Variants in CCZ1B observed in about 807,000 individuals in gnomAD.
CCZ1B encodes the protein vacuolar fusion protein CCZ1 homolog B.
CCZ1B carries 25 observed loss-of-function variants against 58.8 expected under a neutral mutation model. The ratio of observed to expected loss-of-function variants is 0.43; its 90% CI spans 0.31 to 0.59. The LOEUF (loss-of-function observed/expected upper bound fraction) is 0.59, where lower values mean the gene tolerates loss of function less well. CCZ1B is among the 20% of genes least tolerant of loss of function. The pLI is 0.12. For synonymous variants in CCZ1B, 66 were observed against 173.2 expected (o/e 0.38, Z 4.86); for missense variants, 180 against 501.5 (o/e 0.36, Z 6.12).
intron 6 of CCZ1B, among the ~76,000 whole-genome samples, chr7:6,820,882 T>G (rs1195265818): frequency 1.4e-5 from 2 of 142,192 alleles, no homozygotes; most frequent in Non-Finnish European, 3.0e-5. Context: ...ACCATTGCAC[T>G]CTAGCCTGGG....
At chr7:6,808,486 C>T (rs1228048757) in intron 10 of CCZ1B, among the ~76,000 whole-genome samples, 2 of 149,808 alleles carry the variant, frequency 1.3e-5, no homozygotes, top group Non-Finnish European at 2.9e-5. Flanking sequence ...CCATTGGTGG[C>T]TCCTGGGCCC....
Position 6,824,144 on chromosome 7 carries a change from T to C in CCZ1B, c.335A>G (p.Glu112Gly). The change falls in exon 4 of 15, where the codon GAA becomes GGA. Residue 112 changes from glutamate to glycine, a missense_variant. By Grantham distance (98) the Glu-to-Gly change is moderately conservative (BLOSUM62 -2). Coordinates refer to ENST00000316731, the MANE Select transcript of CCZ1B (RefSeq NM_198097.5). ...TGGTTTTCCATCTTTACTCTGTTTT[T>C]CAATTATAGGATTCCGAACAACCTA... ...MVMVVRNPII[E>G]KQSKDGKPVI... 2 of 1,483,110 alleles carry C rather than the reference T, an allele frequency of 1.3e-6. No homozygotes were observed. Among genetic ancestry groups the C allele is most frequent in the Non-Finnish European group, 1.8e-6 (2 of 1,103,434 alleles). The allele number at this position is 1,483,110 out of a possible 1,614,324, so 91.9% of individuals were successfully genotyped here.
intron 7 of CCZ1B, among the ~76,000 whole-genome samples, chr7:6,817,422 C>T (rs955416503): frequency 6.6e-6 from 1 of 150,510 alleles, no homozygotes; most frequent in African/African-American, 2.5e-5. Flanking sequence ...AGAATCTCAG[C>T]TACCCTTCTC....
At chr7:6,818,651 C>CAAGAA (rs374590837) in intron 7 of CCZ1B, among the ~76,000 whole-genome samples, 6 of 123,366 alleles carry the variant, frequency 4.9e-5, no homozygotes, top group Non-Finnish European at 8.5e-5. Flanking sequence ...GAAAGAAAGA[C>CAAGAA]AGAAAGAAAG....
At chr7:6,820,197 G>C (rs1295745187) in intron 6 of CCZ1B, among the ~76,000 whole-genome samples, 1 of 148,988 alleles carries the variant, frequency 6.7e-6, no homozygotes, top group African/African-American at 2.5e-5. Context: ...TTATTTTTTT[G>C]TGACAGAGTC....
intron 7 of CCZ1B, among the ~76,000 whole-genome samples, chr7:6,818,022 AG>A (rs1289091212): frequency 6.7e-6 from 1 of 149,076 alleles, no homozygotes; most frequent in Non-Finnish European, 1.5e-5. Context: ...AAAAAAAAGT[AG>A]ATGGGTTTCA....
At position 6,824,439 on chromosome 7, in the gene CCZ1B, C is replaced by T; in HGVS notation, c.312+16G>A. 2.5e-6 allele frequency: 4 copies of T among 1,604,506 alleles called. 1 individual carries two copies. Among genetic ancestry groups the T allele is most frequent in the Non-Finnish European group, 3.4e-6 (4 of 1,176,740 alleles). Reference sequence around the variant, plus strand: ...CACCATACAATTTCAGAAAGATACACTGTGTGTGTAAATACCATGACCATC... The same window carrying T: ...CACCATACAATTTCAGAAAGATACATTGTGTGTGTAAATACCATGACCATC... On this transcript the variant is annotated intron_variant, in intron 3 of 14. Transcript: ENST00000316731.
intron 12 of CCZ1B, among the ~76,000 whole-genome samples, chr7:6,803,730 G>A (rs549840635): frequency 8.7e-5 from 13 of 149,038 alleles, no homozygotes; most frequent in African/African-American, 2.9e-4. Context: ...TTGGGAGGCC[G>A]AAGTGCGTGG....
rs374046297 is a variant in CCZ1B at position 6,822,787 on chromosome 7, G to T, written c.439-423C>A. Among the ~76,000 whole-genome samples, 22 of 137,824 alleles carry T rather than the reference G, an allele frequency of 1.6e-4. No individual in the cohort carries two copies. The Admixed American group carries it at 1.7e-3, about 11-fold the overall frequency. 90.4% of individuals were successfully genotyped at this position (137,824 alleles called of 152,430 possible). ...TGCAATCACAGTTCACTGCAGCCTC[G>T]ACCTCCAAGGTGCGAGCGATCCTCC... On this transcript the variant is annotated intron_variant, in intron 5 of 14. Coordinates refer to ENST00000316731, the MANE Select transcript of CCZ1B (RefSeq NM_198097.5).
intron 10 of CCZ1B, among the ~76,000 whole-genome samples, chr7:6,808,772 G>C (rs1234388610): frequency 6.6e-6 from 1 of 152,106 alleles, no homozygotes; most frequent in Non-Finnish European, 1.5e-5. Context: ...GCAGTGGCAC[G>C]ATCTTGGCTC....
intron 8 of CCZ1B, among the ~76,000 whole-genome samples, chr7:6,813,683 A>G (rs907662838): frequency 2.7e-5 from 4 of 149,684 alleles, no homozygotes; most frequent in African/African-American, 1.0e-4. Context: ...GATATCATTT[A>G]AAAGTTCTCT....
intron 7 of CCZ1B, among the ~76,000 whole-genome samples, chr7:6,817,439 G>C (rs911003747): frequency 4.7e-5 from 7 of 150,294 alleles, no homozygotes; most frequent in African/African-American, 1.7e-4. Flanking sequence ...TCTCTTTTTG[G>C]TGGAAGCAAG....
At chr7:6,822,178 G>A in intron 6 of CCZ1B, 103 bp downstream of exon 6, 1 of 1,498,528 alleles carries the variant, frequency 6.7e-7, no homozygotes, top group Non-Finnish European at 8.9e-7. Flanking sequence ...CCACTTTCAA[G>A]TTCTGGGTTT....
intron 7 of CCZ1B, among the ~76,000 whole-genome samples, chr7:6,819,123 GAAAA>G (rs1173368085): frequency 7.2e-4 from 47 of 65,664 alleles, no homozygotes; most frequent in African/African-American, 2.7e-3. Context: ...ATCTCTATAA[GAAAA>G]AAAAAAAAAA....
chr7:6,818,679 A>C (rs956311557), intron 7 of CCZ1B, among the ~76,000 whole-genome samples: 10 of 55,584 alleles, frequency 1.8e-4, no homozygotes, highest in South Asian at 2.6e-3. Context: ...GAAAGAAAGA[A>C]AGAAAGAAAG....
intron 10 of CCZ1B, among the ~76,000 whole-genome samples, chr7:6,808,571 C>T (rs1455800495): frequency 2.0e-5 from 3 of 150,494 alleles, no homozygotes; most frequent in African/African-American, 5.0e-5. Context: ...CTGTGAGTGC[C>T]GCCATTCTTC....
intron 6 of CCZ1B, among the ~76,000 whole-genome samples, chr7:6,820,851 G>A (rs1256477500): frequency 6.9e-6 from 1 of 144,994 alleles, no homozygotes; most frequent in African/African-American, 2.6e-5. Flanking sequence ...GGAGACTAAG[G>A]TTGCAGTGAG....
intron 5 of CCZ1B, among the ~76,000 whole-genome samples, 196 bp downstream of exon 5, chr7:6,823,117 G>T (rs1490775963): frequency 6.7e-6 from 1 of 148,862 alleles, no homozygotes; most frequent in Non-Finnish European, 1.5e-5. Flanking sequence ...TGAGAAAAGA[G>T]AAGGGAGTTC....
chr7:6,825,994 GCCC>G, intron 1 of CCZ1B, 81 bp downstream of exon 1: 1 of 487,190 alleles, frequency 2.1e-6, no homozygotes, highest in Admixed American at 5.0e-5. Flanking sequence ...CTAGGTCAGT[GCCC>G]CTCGAGGTGG....
Sources: allele counts gnomAD v4.1 joint callset (sites outside exome capture counted in the v4.1 genomes callset), GRCh38; gene constraint gnomAD v4.1.1; transcripts MANE v1.5; gene names NCBI Gene and HGNC (gene_info 2026-07-23, HGNC 2026-07-21).